Variants in SCIMP observed in about 807,000 individuals in gnomAD.
SCIMP encodes the protein SLP adapter and CSK-interacting membrane protein.
In SCIMP, 18 loss-of-function variants were observed where a neutral mutation model predicts 22.0. That is an observed-to-expected ratio of 0.82 (90% CI 0.56 to 1.21). The LOEUF is 1.21. Ranked by LOEUF, SCIMP falls within the 50% of genes most tolerant of loss-of-function variation. SCIMP has a pLI of 0.00. For synonymous variants in SCIMP, 53 were observed against 62.2 expected, an observed-to-expected ratio of 0.85 and a Z score of 0.70; for missense variants, 155 against 171.2, an observed-to-expected ratio of 0.91 and a Z score of 0.53.
At position 5,210,213 on chromosome 17, in the gene SCIMP, A is replaced by T. The variant is rs1263389897; in HGVS notation, c.*588T>A. On this transcript the variant is annotated 3_prime_UTR_variant, in exon 5 of 5. Coordinates refer to ENST00000574081, the MANE Select transcript of SCIMP (RefSeq NM_207103.3). ...AGGCACTGGGGTTTGCAGGGTGTCT[A>T]GGTGGGGAGGGTTCACGAGAACAAA... is the stretch of plus-strand genomic sequence containing the variant. The T allele has an allele frequency of 6.6e-6, 1 of 152,222 alleles. No individual in the cohort carries two copies. The highest frequency in any genetic ancestry group is 2.4e-5 in the African/African-American group (1 of 41,406). The allele number at this position is 152,222 out of a possible 1,614,324, so 9.4% of individuals were successfully genotyped here. A position where few individuals can be genotyped will look rare whatever the true frequency, so the allele number is the denominator to read the frequency against.
chr17:5,220,553 A>G (rs540135495), intron 3 of SCIMP, among the ~76,000 whole-genome samples: 2 of 152,096 alleles, frequency 1.3e-5, no homozygotes, highest in East Asian at 1.9e-4. Context: ...CCTGGCTAAC[A>G]TGGTGAAACC....
At chr17:5,220,331 G>A (rs943192963) in intron 3 of SCIMP, among the ~76,000 whole-genome samples, 2 of 151,532 alleles carry the variant, frequency 1.3e-5, no homozygotes, top group Admixed American at 6.6e-5. Context: ...TTGTAATCCC[G>A]GCTACTTGGG....
intron 4 of SCIMP, among the ~76,000 whole-genome samples, chr17:5,212,397 G>A (rs1303298290): frequency 6.6e-6 from 1 of 152,228 alleles, no homozygotes; most frequent in African/African-American, 2.4e-5. Context: ...CACTTTGGGA[G>A]GCTGAGGTGG....
chr17:5,233,599 T>C (rs1158780228), intron 1 of SCIMP, among the ~76,000 whole-genome samples: 1 of 152,014 alleles, frequency 6.6e-6, no homozygotes, highest in Non-Finnish European at 1.5e-5. Context: ...TCTTGATCTC[T>C]TGACCTTGTG....
chr17:5,210,827 CAGGGA>C lies in SCIMP; in HGVS notation c.407_411del (p.Ile136SerfsTer4). On this transcript the variant is annotated frameshift_variant, in exon 5 of 5. Transcript: ENST00000574081. LOFTEE classifies it high-confidence loss of function. Reference sequence around the variant, plus strand: ...CAAAATGATGCTTTTTCAGTATTTGCAGGGATTTCAACATCGTCATAGTCATCTTC... The same window carrying C: ...CAAAATGATGCTTTTTCAGTATTTGCTTTCAACATCGTCATAGTCATCTTC... 6.2e-7 allele frequency: 1 copy of C among 1,610,446 alleles called. No individual in the cohort carries two copies. The highest frequency in any genetic ancestry group is 8.5e-7 in the Non-Finnish European group (1 of 1,179,190).
intron 4 of SCIMP, chr17:5,213,657 G>A (rs895524004): frequency 2.0e-5 from 3 of 152,118 alleles, no homozygotes; most frequent in African/African-American, 4.8e-5. Flanking sequence ...GACGAGCCTG[G>A]TCAATATGGT....
rs1375684230 is a variant in SCIMP, at chr17:5,214,855, A to AT, written c.283+69_283+70insA. On this transcript the variant is annotated intron_variant, in intron 4 of 4. Transcript: ENST00000574081. ...ACTCCATCTAAAAAAAAAAAAAAAA[A>AT]AAAAAAAGACACCTTGATAAACTCG... The AT allele has an allele frequency of 7.9e-6, 6 of 763,630 alleles. No homozygotes were observed. The East Asian group carries it at 1.6e-4, about 20-fold the overall frequency. 47.3% of individuals were successfully genotyped at this position (763,630 alleles called of 1,614,324 possible).
intron 4 of SCIMP, chr17:5,214,511 G>A (rs7502862): frequency 0.15 from 23,581 of 155,690 alleles, 2,052 homozygotes; most frequent in African/African-American, 0.23. Context: ...AGTGGAGATC[G>A]CGCCACTGCA....
intron 1 of SCIMP, among the ~76,000 whole-genome samples, chr17:5,230,008 ATGT>A (rs1056626837): frequency 2.0e-5 from 3 of 151,512 alleles, no homozygotes; most frequent in African/African-American, 4.9e-5. Flanking sequence ...AGACAAAAAA[ATGT>A]TGTAGACACA....
At chr17:5,217,267 C>T (rs1007930399) in intron 3 of SCIMP, among the ~76,000 whole-genome samples, 3 of 151,982 alleles carry the variant, frequency 2.0e-5, no homozygotes, top group East Asian at 1.9e-4. Context: ...TGAGGTTTTC[C>T]GGAGCTGCCT....
At position 5,210,057 on chromosome 17, in the gene SCIMP, G is replaced by C. The variant is rs143228602; in HGVS notation, c.*744C>G. ...ACCCCCAACACACCTATTGCAAAAT[G>C]ATGCTTCTAGGTGTAAATCAGAAGG... On this transcript the variant is annotated 3_prime_UTR_variant, in exon 5 of 5. Coordinates refer to ENST00000574081, the MANE Select transcript of SCIMP (RefSeq NM_207103.3). 3.3e-5 allele frequency: 5 copies of C among 152,312 alleles called. No homozygotes were observed. Among genetic ancestry groups the C allele is most frequent in the African/African-American group, 9.6e-5 (4 of 41,562 alleles). 9.4% of individuals were successfully genotyped at this position (152,312 alleles called of 1,614,324 possible).
intron 3 of SCIMP, among the ~76,000 whole-genome samples, chr17:5,219,324 C>G (rs1360378128): frequency 6.9e-6 from 1 of 145,274 alleles, no homozygotes; most frequent in Non-Finnish European, 1.5e-5. Flanking sequence ...GTCTCAACAA[C>G]AACAAAAAAA....
At chr17:5,215,321 A>G (rs1439424035) in intron 3 of SCIMP, 1 of 219,674 alleles carries the variant, frequency 4.6e-6, no homozygotes, top group Non-Finnish European at 9.1e-6. Flanking sequence ...TTCTATTTGC[A>G]AAACAGATGA....
chr17:5,221,962 G>A (rs1374716251), intron 2 of SCIMP, among the ~76,000 whole-genome samples: 1 of 151,452 alleles, frequency 6.6e-6, no homozygotes, highest in African/African-American at 2.4e-5. Context: ...TAATAGAGAT[G>A]GGGGTTTCGC....
At chr17:5,234,373 AAC>A (rs879317127) in intron 1 of SCIMP, among the ~76,000 whole-genome samples, 1 of 151,746 alleles carries the variant, frequency 6.6e-6, no homozygotes, top group African/African-American at 2.4e-5. Context: ...CAAGTCCCAA[AAC>A]ACACCATCGG....
At position 5,213,195 on chromosome 17, in the gene SCIMP, C is replaced by T. The variant is rs141148060; in HGVS notation, c.283+1730G>A. The T allele has an allele frequency of 1.6e-4, 160 of 984,930 alleles. No homozygotes were observed. In the African/African-American group the frequency reaches 2.3e-3, roughly 14 times the overall value. The allele number at this position is 984,930 out of a possible 1,614,324, so 61.0% of individuals were successfully genotyped here. On this transcript the variant is annotated intron_variant, in intron 4 of 4. Coordinates refer to ENST00000574081, the MANE Select transcript of SCIMP (RefSeq NM_207103.3). Reference sequence around the variant, plus strand: ...AAGCTGGGATTTGAACATGAATTTACACCCTTATATCAGGCTATTGGGTGC... The same window carrying T: ...AAGCTGGGATTTGAACATGAATTTATACCCTTATATCAGGCTATTGGGTGC...
chr17:5,221,500 C>T, intron 2 of SCIMP, 150 bp from the exon 3 acceptor site: 1 of 650,552 alleles, frequency 1.5e-6, no homozygotes, highest in Non-Finnish European at 2.7e-6. Context: ...AGCCTCTGCA[C>T]TAACCCAGTG....
At chr17:5,233,572 C>T (rs2074719596) in intron 1 of SCIMP, among the ~76,000 whole-genome samples, 1 of 152,108 alleles carries the variant, frequency 6.6e-6, no homozygotes, top group Admixed American at 6.6e-5. Context: ...AGGGTTTCAC[C>T]ATGTTGGCCA....
chr17:5,214,892 T>TA, intron 4 of SCIMP, 33 bp downstream of exon 4: 1 of 696,150 alleles, frequency 1.4e-6, no homozygotes, highest in South Asian at 1.4e-5. Flanking sequence ...TATCTTACCC[T>TA]AAATGAAACT....
Sources: allele counts gnomAD v4.1 joint callset (sites outside exome capture counted in the v4.1 genomes callset), GRCh38; gene constraint gnomAD v4.1.1; transcripts MANE v1.5; gene names NCBI Gene and HGNC (gene_info 2026-07-23, HGNC 2026-07-21).